The following CEP135 variants were observed in gnomAD, a reference collection of about 807,000 sequenced individuals.
CEP135 encodes centrosomal protein 135.
In CEP135, 142 loss-of-function variants were observed where a neutral mutation model predicts 157.3. The observed-to-expected ratio is 0.90, with a 90% CI of 0.79 to 1.04. The LOEUF (loss-of-function observed/expected upper bound fraction) is 1.04, where lower values mean the gene tolerates loss of function less well. CEP135 is among the 50% of genes least tolerant of loss of function. The probability of loss-of-function intolerance (pLI) is 0.00; values close to 1 mark genes in which losing one functional copy is unlikely to be tolerated. For synonymous variants in CEP135, 396 were observed against 439.8 expected (o/e 0.90, Z 1.25); for missense variants, 1,317 against 1,309.2 (o/e 1.01, Z -0.09).
At chr4:55,960,715 A>G (rs1728649933) in intron 6 of CEP135, 1 of 152,116 alleles carries the variant, frequency 6.6e-6, no homozygotes, top group Non-Finnish European at 1.5e-5. Context: ...ACTTGAGATC[A>G]GAAGTTTGAG....
chr4:56,028,025 A>AC (rs1731212438), intron 25 of CEP135, among the ~76,000 whole-genome samples: 1 of 152,212 alleles, frequency 6.6e-6, no homozygotes, highest in African/African-American at 2.4e-5. Context: ...GTGAAATCAT[A>AC]CATGTGTTCT....
intron 6 of CEP135, among the ~76,000 whole-genome samples, chr4:55,963,521 G>A (rs1156310963): frequency 2.6e-5 from 4 of 152,132 alleles, no homozygotes; most frequent in African/African-American, 4.8e-5. Flanking sequence ...CGAGGCAGGC[G>A]GATCACCTGA....
At chr4:56,016,495 G>A (rs748751189) in intron 21 of CEP135, among the ~76,000 whole-genome samples, 1 of 151,938 alleles carries the variant, frequency 6.6e-6, no homozygotes, top group South Asian at 2.1e-4. Context: ...GTTCATGTTC[G>A]TATGTGGTAT....
At chr4:55,967,642 T>C (rs990983549) in intron 8 of CEP135, among the ~76,000 whole-genome samples, 1 of 152,242 alleles carries the variant, frequency 6.6e-6, no homozygotes, top group Admixed American at 6.5e-5. Flanking sequence ...ACCATAGTTT[T>C]ATGTAATACT....
intron 12 of CEP135, 100 bp from the exon 13 acceptor site, chr4:55,981,127 G>A (rs1475236573): frequency 1.0e-5 from 11 of 1,068,552 alleles, no homozygotes; most frequent in Non-Finnish European, 1.5e-5. Flanking sequence ...GGTAGCATGT[G>A]TTCAGTATGC....
At chr4:55,986,690 C>A (rs1162827661) in intron 14 of CEP135, among the ~76,000 whole-genome samples, 2 of 152,022 alleles carry the variant, frequency 1.3e-5, no homozygotes, top group Non-Finnish European at 2.9e-5. Context: ...TTCAGGGGTA[C>A]ATGTACAGTT....
intron 10 of CEP135, among the ~76,000 whole-genome samples, chr4:55,973,676 A>G (rs1261740842): frequency 6.6e-6 from 1 of 152,058 alleles, no homozygotes; most frequent in Admixed American, 6.6e-5. Flanking sequence ...ACCCATTCCA[A>G]TACAAAAACT....
intron 15 of CEP135, among the ~76,000 whole-genome samples, chr4:55,994,377 T>C (rs1310423121): frequency 1.3e-5 from 2 of 152,066 alleles, no homozygotes; most frequent in African/African-American, 4.8e-5. Flanking sequence ...TGAAACCTTA[T>C]CTCTGCAAAA....
At chr4:55,953,995 C>T (rs927274330) in intron 3 of CEP135, among the ~76,000 whole-genome samples, 35 of 152,278 alleles carry the variant, frequency 2.3e-4, no homozygotes, top group African/African-American at 8.2e-4. Context: ...GTACGTTAGG[C>T]TAATACAGTA....
Position 55,949,058 on chromosome 4 carries a change from C to G in CEP135, c.-47C>G, listed in dbSNP as rs1157008462. 6.5e-6 allele frequency: 1 copy of G among 153,576 alleles called. No homozygotes were observed. The highest frequency in any genetic ancestry group is 1.4e-5 in the Non-Finnish European group (1 of 69,178). The allele number at this position is 153,576 out of a possible 1,614,324, so 9.5% of individuals were successfully genotyped here. ...CGGAGGCAACGGCGGCTGGAGCTGC[C>G]GGTGAGTCCGGATGTGGGAGCCAGA... is the stretch of plus-strand genomic sequence containing the variant. On this transcript the variant is annotated splice_region_variant and 5_prime_UTR_variant, in exon 1 of 26. Coordinates refer to ENST00000257287, the MANE Select transcript of CEP135 (RefSeq NM_025009.5).
chr4:56,011,742 G>T, intron 20 of CEP135, 58 bp from the exon 21 acceptor site: 2 of 1,362,744 alleles, frequency 1.5e-6, no homozygotes, highest in South Asian at 2.8e-5. Flanking sequence ...TTATGACATA[G>T]GTGTTCCAGG....
chr4:56,026,938 A>G (rs1164654862), intron 25 of CEP135, among the ~76,000 whole-genome samples: 2 of 152,192 alleles, frequency 1.3e-5, no homozygotes, highest in Admixed American at 1.3e-4. Flanking sequence ...TATATAGAAG[A>G]TAATTAAACA....
At chr4:56,007,301 A>G (rs1023086504) in intron 17 of CEP135, among the ~76,000 whole-genome samples, 1 of 152,024 alleles carries the variant, frequency 6.6e-6, no homozygotes, top group Non-Finnish European at 1.5e-5. Context: ...TTGTCACTAG[A>G]TGGTGGCTAA....
chr4:55,961,795 A>AAAAAAAAC (rs1728689904), intron 6 of CEP135, among the ~76,000 whole-genome samples: 1 of 134,690 alleles, frequency 7.4e-6, no homozygotes, highest in Non-Finnish European at 1.6e-5. Flanking sequence ...AAAAAAAAAA[A>AAAAAAAAC]TCCATCTTCT....
intron 14 of CEP135, among the ~76,000 whole-genome samples, chr4:55,986,853 T>C (rs1471496216): frequency 1.3e-5 from 2 of 152,202 alleles, no homozygotes; most frequent in African/African-American, 4.8e-5. Flanking sequence ...TTAATATATT[T>C]GCCTTCTAAT....
At position 56,024,613 on chromosome 4, in the gene CEP135, A is replaced by G. The variant is rs977609746; in HGVS notation, c.*10A>G. On this transcript the variant is annotated splice_region_variant and 3_prime_UTR_variant, in exon 25 of 26. Coordinates refer to ENST00000257287, the MANE Select transcript of CEP135 (RefSeq NM_025009.5). ...ACATAGAAATGTGTAATTATCAGAA[A>G]GGTATGTATGTAACACCAAGGACAG... The G allele has an allele frequency of 3.2e-6, 5 of 1,586,368 alleles. No homozygotes were observed. The highest frequency in any genetic ancestry group is 4.3e-6 in the Non-Finnish European group (5 of 1,154,894).
At chr4:55,996,551 TC>T in intron 15 of CEP135, among the ~76,000 whole-genome samples, 1 of 152,210 alleles carries the variant, frequency 6.6e-6, no homozygotes, top group East Asian at 1.9e-4. Context: ...GTTACAACCA[TC>T]ATCCCCATCC....
At chr4:56,018,424 A>G (rs944558552) in intron 22 of CEP135, among the ~76,000 whole-genome samples, 1 of 152,196 alleles carries the variant, frequency 6.6e-6, no homozygotes, top group African/African-American at 2.4e-5. Context: ...TTTTCTGATT[A>G]TAAATCAGCA....
At chr4:55,962,727 C>A (rs1293090281) in intron 6 of CEP135, among the ~76,000 whole-genome samples, 2 of 131,500 alleles carry the variant, frequency 1.5e-5, no homozygotes, top group African/African-American at 2.9e-5. Context: ...TTTTTTTAAG[C>A]CTCTTTTTTT....
Sources: allele counts gnomAD v4.1 joint callset (sites outside exome capture counted in the v4.1 genomes callset), GRCh38; gene constraint gnomAD v4.1.1; transcripts MANE v1.5; gene names NCBI Gene and HGNC (gene_info 2026-07-23, HGNC 2026-07-21).